The following OC90 variants were observed in gnomAD, a reference collection of about 807,000 sequenced individuals.
OC90 encodes otoconin-90.
In OC90, 46 loss-of-function variants were observed where a neutral mutation model predicts 47.3. The ratio of observed to expected loss-of-function variants is 0.97; its 90% CI spans 0.77 to 1.24. The LOEUF (loss-of-function observed/expected upper bound fraction) is 1.24. Ranked by LOEUF, OC90 falls within the 50% of genes most tolerant of loss-of-function variation. The pLI is 0.00. For synonymous variants in OC90, 271 were observed against 219.5 expected (o/e 1.23, Z -2.07); for missense variants, 688 against 583.9 (o/e 1.18, Z -1.84).
rs1387397837 is a variant in OC90 at position 132,041,123 on chromosome 8, C to T, written c.378G>A (p.Glu126=). ...CCFQHRRCYE[E]AAEMDCLQDP... ...CTTGGAGACAGTCCATCTCAGCGGCCTCCTCATAGCACCTGCGGTGCTGGA... is the reference window on the plus strand; with the variant it reads ...CTTGGAGACAGTCCATCTCAGCGGCTTCCTCATAGCACCTGCGGTGCTGGA... The change falls in exon 6 of 14, where the codon GAG becomes GAA. Residue 126 remains glutamate, a synonymous_variant. Transcript: ENST00000254627. 4.3e-6 allele frequency: 7 copies of T among 1,613,838 alleles called. No individual in the cohort carries two copies. In the South Asian group the frequency reaches 5.5e-5, roughly 13 times the overall value.
At chr8:132,028,530 GA>G (rs1174341262) in intron 13 of OC90, among the ~76,000 whole-genome samples, 1 of 16,608 alleles carries the variant, frequency 6.0e-5, no homozygotes, top group Admixed American at 1.1e-3. Context: ...AGAAAGAAAA[GA>G]AAGAAAGAAA....
chr8:132,033,185 G>T (rs763218391), intron 10 of OC90, 21 bp from the exon 11 acceptor site: 1 of 1,598,134 alleles, frequency 6.3e-7, no homozygotes, highest in South Asian at 1.1e-5. Context: ...AAAACTTCAT[G>T]ATTCGGATTC....
chr8:132,055,021 A>C lies in OC90; in HGVS notation c.6T>G (p.Ile2Met), dbSNP rs1823263116. The change falls in exon 2 of 14, where the codon ATT becomes ATG. Residue 2 changes from isoleucine to methionine, a missense_variant. By Grantham distance (10) the Ile-to-Met change is conservative. Transcript: ENST00000254627. ...TCAGCACACTGGTGAGGAGAAACGC[A>C]ATCATAGCAGGAGAACAAAGGATGG... M[I>M]AFLLTSVLMI... The C allele has an allele frequency of 6.4e-7, 1 of 1,551,386 alleles. No individual in the cohort carries two copies. Among genetic ancestry groups the C allele is most frequent in the Non-Finnish European group, 8.7e-7 (1 of 1,146,872 alleles).
rs768951081 is a variant in OC90, at chr8:132,041,162, G to A, written c.345-6C>T. 1.3e-6 allele frequency: 2 copies of A among 1,590,634 alleles called. No homozygotes were observed. Among genetic ancestry groups the A allele is most frequent in the Non-Finnish European group, 1.7e-6 (2 of 1,158,756 alleles). ...TGCGGTGCTGGAAGCAGCAGCTGTA[G>A]GAAGGCCGGGAGGAGGCAGGGTGAG... On this transcript the variant is annotated splice_polypyrimidine_tract_variant and splice_region_variant and intron_variant, in intron 5 of 13. Coordinates refer to ENST00000254627, the MANE Select transcript of OC90 (RefSeq NM_001080399.3).
At chr8:132,056,827 A>T (rs1455549877) in intron 1 of OC90, among the ~76,000 whole-genome samples, 1 of 152,236 alleles carries the variant, frequency 6.6e-6, no homozygotes, top group Non-Finnish European at 1.5e-5. Flanking sequence ...AACTTGGACA[A>T]TGTAGTCACT....
At chr8:132,044,900 C>T (rs557676659) in intron 3 of OC90, among the ~76,000 whole-genome samples, 1 of 152,194 alleles carries the variant, frequency 6.6e-6, no homozygotes, top group Non-Finnish European at 1.5e-5. Flanking sequence ...GAGAATGAAG[C>T]TTCTAAGCCG....
At chr8:132,047,688 G>A (rs936168713) in intron 2 of OC90, among the ~76,000 whole-genome samples, 29 of 151,934 alleles carry the variant, frequency 1.9e-4, no homozygotes, top group African/African-American at 7.0e-4. Flanking sequence ...ACTTTTAAAG[G>A]AAACTTTTAT....
At chr8:132,034,705 T>G in intron 10 of OC90, 76 bp downstream of exon 10, 1 of 999,004 alleles carries the variant, frequency 1.0e-6, no homozygotes, top group Non-Finnish European at 1.5e-6. Flanking sequence ...GGAACCCAGT[T>G]GATATCATAA....
chr8:132,048,424 C>T (rs958916028), intron 2 of OC90, among the ~76,000 whole-genome samples: 1 of 146,924 alleles, frequency 6.8e-6, no homozygotes, highest in South Asian at 2.1e-4. Flanking sequence ...AGTATGGAGA[C>T]TAAGGCAGTC....
In OC90 at chr8:132,032,983, C is replaced by A. The variant is rs59322939; in HGVS notation, c.859+56G>T. 3.4e-3 allele frequency: 5,389 copies of A among 1,578,018 alleles called. 149 individuals carry two copies. The African/African-American group carries it at 0.063, about 18-fold the overall frequency. On this transcript the variant is annotated intron_variant, in intron 11 of 13. Coordinates refer to ENST00000254627, the MANE Select transcript of OC90 (RefSeq NM_001080399.3). Reference sequence around the variant, plus strand: ...GAAAAGGTGGCCTACGGTGATTGTTCACAGCCTCACCAAAAGATCCCAGCA... The same window carrying A: ...GAAAAGGTGGCCTACGGTGATTGTTAACAGCCTCACCAAAAGATCCCAGCA...
chr8:132,047,009 G>A (rs2130861635), intron 2 of OC90, among the ~76,000 whole-genome samples: 1 of 152,302 alleles, frequency 6.6e-6, no homozygotes, highest in Non-Finnish European at 1.5e-5. Flanking sequence ...ATTGTTCTGT[G>A]TTGTATATTT....
rs147032670 is a variant in OC90, at chr8:132,037,290, G to A, written c.679+148C>T. 69 of 690,326 alleles carry A rather than the reference G, an allele frequency of 1.0e-4. 1 individual carries two copies. In the Middle Eastern group the frequency reaches 1.9e-3, roughly 19 times the overall value. The allele number at this position is 690,326 out of a possible 1,614,324, so 42.8% of individuals were successfully genotyped here. A position where few individuals can be genotyped will look rare whatever the true frequency, so the allele number is the denominator to read the frequency against. ...TGGGAGGTGATTGGATCATGGGGAT[G>A]GATTTCTCATGAATAGTTTCACACC... On this transcript the variant is annotated intron_variant, in intron 9 of 13. Coordinates refer to ENST00000254627, the MANE Select transcript of OC90 (RefSeq NM_001080399.3).
intron 1 of OC90, among the ~76,000 whole-genome samples, chr8:132,056,624 CTGTT>C (rs938058735): frequency 1.6e-4 from 25 of 152,170 alleles, no homozygotes; most frequent in African/African-American, 6.0e-4. Context: ...GTCTCCCTCA[CTGTT>C]TGGTGGAAAT....
intron 2 of OC90, among the ~76,000 whole-genome samples, chr8:132,050,972 CAACAAGAAT>C (rs1204983924): frequency 6.6e-6 from 1 of 152,008 alleles, no homozygotes; most frequent in African/African-American, 2.4e-5. Flanking sequence ...CCAACCTGGG[CAACAAGAAT>C]GAAACTCTGT....
chr8:132,058,032 C>G (rs1313393763), intron 1 of OC90, among the ~76,000 whole-genome samples: 1 of 152,208 alleles, frequency 6.6e-6, no homozygotes, highest in Non-Finnish European at 1.5e-5. Flanking sequence ...ATCGGTAGTA[C>G]TTGCTTGGGA....
intron 8 of OC90, among the ~76,000 whole-genome samples, chr8:132,037,715 C>A (rs1425268778): frequency 6.6e-6 from 1 of 152,182 alleles, no homozygotes; most frequent in African/African-American, 2.4e-5. Flanking sequence ...GGGAGCACAG[C>A]CACAGCTGGG....
intron 2 of OC90, among the ~76,000 whole-genome samples, chr8:132,051,327 C>T (rs572950272): frequency 1.3e-5 from 2 of 152,352 alleles, no homozygotes; most frequent in Admixed American, 6.5e-5. Flanking sequence ...ATCCTTCACT[C>T]ACCTATCTAA....
chr8:132,037,960 C>G (rs1822993953), intron 8 of OC90, among the ~76,000 whole-genome samples: 1 of 152,200 alleles, frequency 6.6e-6, no homozygotes, highest in South Asian at 2.1e-4. Context: ...ATGCACACAT[C>G]CATACACACT....
intron 6 of OC90, 99 bp downstream of exon 6, chr8:132,040,945 G>A: frequency 1.3e-6 from 1 of 761,050 alleles, no homozygotes; most frequent in Non-Finnish European, 2.4e-6. Flanking sequence ...TGGTGACGAT[G>A]ATGTGAGAGG....
Sources: allele counts gnomAD v4.1 joint callset (sites outside exome capture counted in the v4.1 genomes callset), GRCh38; gene constraint gnomAD v4.1.1; transcripts MANE v1.5; gene names NCBI Gene and HGNC (gene_info 2026-07-23, HGNC 2026-07-21).